Variants in URI1 observed in about 807,000 individuals in gnomAD.
URI1 encodes URI1 prefoldin like chaperone, also known as unconventional prefoldin RPB5 interactor 1.
Under a neutral mutation model 60.2 loss-of-function variants are expected in URI1, and 39 were observed. The observed-to-expected ratio is 0.65, with a 90% CI of 0.50 to 0.85. The LOEUF (loss-of-function observed/expected upper bound fraction) is 0.85. Among genes scored for constraint, URI1 ranks in the 40% least tolerant of loss-of-function variants. URI1 has a pLI of 0.00. For missense variants in URI1, 691 were observed against 665.9 expected (o/e 1.04, Z -0.42); for synonymous variants, 251 against 236.8 (o/e 1.06, Z -0.55).
At chr19:29,953,235 TTAAAATTAAG>T (rs2055201468) in intron 1 of URI1, among the ~76,000 whole-genome samples, 1 of 152,178 alleles carries the variant, frequency 6.6e-6, no homozygotes, top group African/African-American at 2.4e-5. Context: ...TTCAAATTAA[TTAAAATTAAG>T]TAAAATAAAA....
chr19:29,987,155 C>T (rs555796314), intron 4 of URI1, among the ~76,000 whole-genome samples: 21 of 152,220 alleles, frequency 1.4e-4, no homozygotes, highest in African/African-American at 3.1e-4. Flanking sequence ...TTCTGTAATA[C>T]GTATTTAGAT....
chr19:29,964,318 CT>C (rs979340596), intron 1 of URI1, among the ~76,000 whole-genome samples: 3 of 152,112 alleles, frequency 2.0e-5, no homozygotes, highest in African/African-American at 7.2e-5. Context: ...GAGTTACAAG[CT>C]TTTTTTGTCC....
intron 4 of URI1, among the ~76,000 whole-genome samples, chr19:29,990,535 C>T (rs901857858): frequency 2.6e-5 from 4 of 152,172 alleles, no homozygotes; most frequent in African/African-American, 7.2e-5. Flanking sequence ...AAGTGTCGTA[C>T]ATCCATGCAG....
At chr19:30,007,843 C>T (rs1430229655) in intron 7 of URI1, among the ~76,000 whole-genome samples, 1 of 151,784 alleles carries the variant, frequency 6.6e-6, no homozygotes, top group Non-Finnish European at 1.5e-5. Context: ...GTGCATATTC[C>T]CATGCATGTA....
chr19:30,008,926 C>A, intron 7 of URI1, 79 bp from the exon 8 acceptor site: 1 of 1,107,534 alleles, frequency 9.0e-7, no homozygotes, highest in Non-Finnish European at 1.3e-6. Context: ...AGTATTTACC[C>A]ATGGAAACTA....
At chr19:29,958,388 G>T (rs866455771) in intron 1 of URI1, among the ~76,000 whole-genome samples, 1 of 152,132 alleles carries the variant, frequency 6.6e-6, no homozygotes, top group Admixed American at 6.5e-5. Context: ...TGAAAATAAG[G>T]ACATTTTCTC....
intron 2 of URI1, among the ~76,000 whole-genome samples, chr19:29,979,404 C>G (rs907038009): frequency 2.0e-5 from 3 of 152,158 alleles, no homozygotes; most frequent in African/African-American, 7.2e-5. Flanking sequence ...ATTCACATCT[C>G]ATTTTCTTAG....
chr19:30,007,507 A>C lies in URI1; in HGVS notation c.555A>C (p.Pro185=). 6.2e-7 allele frequency: 1 copy of C among 1,613,296 alleles called. No homozygotes were observed. Among genetic ancestry groups the C allele is most frequent in the Non-Finnish European group, 8.5e-7 (1 of 1,179,512 alleles). ...TTGCTCATAAACCGCATTCCAAACCAAAAACTTCAGATATTTTTGAAGCAG... is the reference window on the plus strand; with the variant it reads ...TTGCTCATAAACCGCATTCCAAACCCAAAACTTCAGATATTTTTGAAGCAG... ...HRIAHKPHSK[P]KTSDIFEADI... Residue 185 remains proline, a synonymous_variant, in exon 7 of 11, where the codon CCA becomes CCC. Transcript: ENST00000392271.
chr19:29,975,396 A>C (rs1118924), intron 2 of URI1, among the ~76,000 whole-genome samples: 125,688 of 151,952 alleles, frequency 0.83, 52,815 homozygotes, highest in Non-Finnish European at 0.9. Context: ...AAAATATTTA[A>C]TGAGACAATA....
rs371470043 is a variant in URI1 at position 29,986,351 on chromosome 19, G to A, written c.301G>A (p.Gly101Arg). 3.1e-6 allele frequency: 5 copies of A among 1,610,398 alleles called. No homozygotes were observed. The highest frequency in any genetic ancestry group is 4.2e-6 in the Non-Finnish European group (5 of 1,179,404). Residue 101 changes from glycine to arginine, a missense_variant, in exon 4 of 11, where the codon GGG becomes AGG. By Grantham distance (125) the Gly-to-Arg change is moderately radical. Transcript: ENST00000392271. Reference sequence around the variant, plus strand: ...TACTAATGAAGTCACTGTTTTACTGGGGGACAACTGGTTTGCAAAGTGCTC... The same window carrying A: ...TACTAATGAAGTCACTGTTTTACTGAGGGACAACTGGTTTGCAAAGTGCTC... ...VHTNEVTVLL[G>R]DNWFAKCSAK...
At chr19:29,935,486 CT>C (rs2054960847) in intron 1 of URI1, among the ~76,000 whole-genome samples, 1 of 152,044 alleles carries the variant, frequency 6.6e-6, no homozygotes, top group Non-Finnish European at 1.5e-5. Context: ...TATGTAGTTA[CT>C]ATTTTTATCA....
chr19:29,984,202 G>A (rs1055636232), intron 2 of URI1, among the ~76,000 whole-genome samples: 8 of 152,148 alleles, frequency 5.3e-5, no homozygotes, highest in Non-Finnish European at 1.2e-4. Context: ...GCGGTGGGGG[G>A]ATCGCTTGAA....
intron 2 of URI1, among the ~76,000 whole-genome samples, chr19:29,984,627 ATGT>A (rs1178239270): frequency 4.6e-5 from 7 of 152,158 alleles, no homozygotes; most frequent in African/African-American, 1.7e-4. Flanking sequence ...TCTTCAATAA[ATGT>A]ATGGTAGAAT....
In URI1 at chr19:30,009,233, T is replaced by C. The variant is rs61757645; in HGVS notation, c.915T>C (p.Asp305=). Reference sequence around the variant, plus strand: ...ACAGTGATGATGATGATGATGATGATGATGACGACGACGACGACAACATTG... The same window carrying C: ...ACAGTGATGATGATGATGATGATGACGATGACGACGACGACGACAACATTG... ...SYHSDDDDDD[D]DDDDDDNIDD... is the part of the protein sequence containing the mutation. The change falls in exon 8 of 11, where the codon GAT becomes GAC. Residue 305 remains aspartate (D), a synonymous_variant. Coordinates refer to ENST00000392271, the MANE Select transcript of URI1 (RefSeq NM_003796.3). 8.7e-6 allele frequency: 14 copies of C among 1,602,580 alleles called. No homozygotes were observed. Among genetic ancestry groups the C allele is most frequent in the East Asian group, 2.2e-5 (1 of 44,742 alleles).
At chr19:29,931,583 A>C (rs956103224) in intron 1 of URI1, among the ~76,000 whole-genome samples, 2 of 152,210 alleles carry the variant, frequency 1.3e-5, no homozygotes, top group African/African-American at 4.8e-5. Context: ...GCATTTTGGA[A>C]GAACACTAAC....
rs368713363 is a variant in URI1, at chr19:29,949,470, C to T, written c.117+6806C>T. On this transcript the variant is annotated intron_variant, in intron 1 of 10. Transcript: ENST00000392271. ...GGCTCCTCACATCCCAGACGATGGG[C>T]GGCCAGGCAGAGACACTCCTCACTT... Among the ~76,000 whole-genome samples the T allele has an allele frequency of 3.3e-3, 505 of 152,258 alleles. 3 individuals carry two copies. Among genetic ancestry groups the T allele is most frequent in the African/African-American group, 0.011 (468 of 41,550 alleles).
intron 1 of URI1, among the ~76,000 whole-genome samples, chr19:29,936,790 T>C (rs2054976873): frequency 6.6e-6 from 1 of 151,854 alleles, no homozygotes; most frequent in South Asian, 2.1e-4. Context: ...TCTCACTCTA[T>C]TGCCCAGGCT....
intron 1 of URI1, among the ~76,000 whole-genome samples, chr19:29,931,145 TG>T (rs1249636027): frequency 6.6e-6 from 1 of 152,208 alleles, no homozygotes; most frequent in Admixed American, 6.5e-5. Flanking sequence ...AGGACCAGTT[TG>T]CCTACTTCTG....
chr19:29,930,391 C>G (rs1047806785), intron 1 of URI1, among the ~76,000 whole-genome samples: 9 of 151,984 alleles, frequency 5.9e-5, no homozygotes, highest in African/African-American at 2.2e-4. Context: ...CTGTGTTTGA[C>G]TTTAGGTCTT....
Sources: gnomAD v4.1 joint callset for allele counts (sites outside exome capture counted in the v4.1 genomes callset) on GRCh38, gnomAD v4.1.1 for gene constraint, MANE v1.5 for transcripts, NCBI Gene and HGNC (gene_info 2026-07-23, HGNC 2026-07-21) for gene names.